UNC13C: variants seen among roughly 807,000 people sequenced by gnomAD.
UNC13C encodes unc-13 homolog C.
Under a neutral mutation model 245.4 loss-of-function variants are expected in UNC13C, and 174 were observed. The ratio of observed to expected loss-of-function variants is 0.71; its 90% CI spans 0.63 to 0.80. UNC13C has a LOEUF of 0.80. Among genes scored for constraint, UNC13C ranks in the 30% least tolerant of loss-of-function variants. The pLI is 0.00. For missense variants in UNC13C, 2,829 were observed against 2,602.9 expected (o/e 1.09, Z -1.89); for synonymous variants, 992 against 895.1 (o/e 1.11, Z -1.93).
intron 24 of UNC13C, 75 bp from the exon 25 acceptor site, chr15:54,525,474 C>A: frequency 3.9e-6 from 4 of 1,035,994 alleles, no homozygotes; most frequent in Non-Finnish European, 5.5e-6. Flanking sequence ...ATATAATAAT[C>A]AAAATGCTTG....
In UNC13C at chr15:54,013,244, A is replaced by T. The variant is rs1595712431; in HGVS notation, c.341A>T (p.Glu114Val). Residue 114 changes from glutamate (E) to valine (V), a missense_variant, in exon 2 of 33, where the codon GAG (glutamate) becomes GTG (valine). Transcript: ENST00000260323. ...KNAKVTNSDN[E>V]DLLQELSSIE... is the part of the protein sequence containing the mutation. ...GCTAAAGTAACCAACAGTGATAATG[A>T]GGATCTGCTTCAAGAGCTCTCTTCA... 8.7e-6 allele frequency: 14 copies of T among 1,613,760 alleles called. No individual in the cohort carries two copies. The highest frequency in any genetic ancestry group is 1.2e-5 in the Non-Finnish European group (14 of 1,179,810).
intron 2 of UNC13C, among the ~76,000 whole-genome samples, chr15:54,034,245 G>C (rs1195365308): frequency 1.3e-5 from 2 of 152,170 alleles, no homozygotes; most frequent in Non-Finnish European, 2.9e-5. Flanking sequence ...GTAAGTGTGT[G>C]TCTACCATTT....
At chr15:54,032,509 G>A (rs1041157620) in intron 2 of UNC13C, among the ~76,000 whole-genome samples, 1 of 152,084 alleles carries the variant, frequency 6.6e-6, no homozygotes, top group African/African-American at 2.4e-5. Context: ...TTAGCACAAG[G>A]TATCCAATTT....
the UNC13C span, among the ~76,000 whole-genome samples, chr15:53,945,411 A>G: frequency 9.4e-4 from 143 of 152,216 alleles, no homozygotes; most frequent in Middle Eastern, 6.8e-3. Context: ...TTTTGAGTTG[A>G]TTTTTATATA....
At chr15:54,152,147 A>C (rs753457056) in intron 4 of UNC13C, among the ~76,000 whole-genome samples, 1 of 152,084 alleles carries the variant, frequency 6.6e-6, no homozygotes, top group African/African-American at 2.4e-5. Flanking sequence ...GCATAGTACT[A>C]CTTCTATCCC....
chr15:54,022,412 A>G (rs1895940572), intron 2 of UNC13C, among the ~76,000 whole-genome samples: 1 of 151,934 alleles, frequency 6.6e-6, no homozygotes, highest in East Asian at 1.9e-4. Context: ...GGATCAAGAG[A>G]TTCTCCTGCC....
intron 10 of UNC13C, among the ~76,000 whole-genome samples, chr15:54,292,918 ATATATAGAGATAGATATCTATATCTATC>A (rs1474688728): frequency 9.4e-5 from 14 of 148,372 alleles, no homozygotes; most frequent in Admixed American, 2.0e-4. Context: ...TATATAGATT[ATATATAGAGATAGATATCTATATCTATC>A]TATATAGATT....
the UNC13C span, among the ~76,000 whole-genome samples, chr15:53,859,756 C>G: frequency 6.6e-6 from 1 of 152,168 alleles, no homozygotes; most frequent in Non-Finnish European, 1.5e-5. Flanking sequence ...CCAGATCCTG[C>G]TTTTATCTCC....
chr15:54,078,672 G>A (rs1247795042), intron 2 of UNC13C, among the ~76,000 whole-genome samples: 1 of 151,992 alleles, frequency 6.6e-6, no homozygotes. Flanking sequence ...TTTTAATGGA[G>A]TTGTTTTTTC....
chr15:54,168,585 G>A (rs1425097586), intron 4 of UNC13C, among the ~76,000 whole-genome samples: 1 of 152,018 alleles, frequency 6.6e-6, no homozygotes, highest in Non-Finnish European at 1.5e-5. Flanking sequence ...AAGGGTTTTT[G>A]GCCACGGTCA....
chr15:54,509,901 G>A (rs142610297), intron 23 of UNC13C, among the ~76,000 whole-genome samples: 2,774 of 152,136 alleles, frequency 0.018, 71 homozygotes, highest in African/African-American at 0.058. Flanking sequence ...GTTTCCCTCC[G>A]GATAACTGCA....
intron 30 of UNC13C, among the ~76,000 whole-genome samples, chr15:54,576,686 A>G (rs1345274830): frequency 6.6e-6 from 1 of 152,148 alleles, no homozygotes; most frequent in East Asian, 1.9e-4. Flanking sequence ...ACATTGCTGC[A>G]TTGCTCTGTC....
the UNC13C span, among the ~76,000 whole-genome samples, chr15:53,869,988 G>A: frequency 6.6e-6 from 1 of 152,134 alleles, no homozygotes; most frequent in Non-Finnish European, 1.5e-5. Context: ...CCATAACACT[G>A]TCCTAAGACT....
At chr15:54,447,485 C>T (rs976136957) in intron 19 of UNC13C, among the ~76,000 whole-genome samples, 3 of 152,096 alleles carry the variant, frequency 2.0e-5, no homozygotes, top group Non-Finnish European at 4.4e-5. Context: ...TCAACTTCTT[C>T]CTGGTTTAGT....
chr15:54,192,753 C>T (rs1991574), intron 4 of UNC13C, among the ~76,000 whole-genome samples: 24,947 of 152,084 alleles, frequency 0.16, 2,582 homozygotes, highest in East Asian at 0.24. Flanking sequence ...CACTACTCGG[C>T]TTCCCACTGG....
intron 13 of UNC13C, among the ~76,000 whole-genome samples, chr15:54,308,404 A>C: frequency 6.6e-6 from 1 of 152,004 alleles, no homozygotes. Context: ...AATTTTATGT[A>C]TTTATTATAT....
the UNC13C span, among the ~76,000 whole-genome samples, chr15:53,887,780 A>G: frequency 1.3e-5 from 2 of 151,554 alleles, no homozygotes; most frequent in East Asian, 3.9e-4. Flanking sequence ...TTCAACTCCC[A>G]CTTATGAGTG....
At chr15:54,121,831 A>C (rs2030688440) in intron 2 of UNC13C, among the ~76,000 whole-genome samples, 1 of 151,744 alleles carries the variant, frequency 6.6e-6, no homozygotes, top group Non-Finnish European at 1.5e-5. Context: ...AATGCTTTAT[A>C]TTTTTCTCTG....
At chr15:54,507,996 C>T (rs973894714) in intron 23 of UNC13C, among the ~76,000 whole-genome samples, 2 of 151,902 alleles carry the variant, frequency 1.3e-5, no homozygotes, top group African/African-American at 4.8e-5. Context: ...TCCCTGAAAC[C>T]TCATTGACCT....
Sources: allele counts gnomAD v4.1 joint callset (sites outside exome capture counted in the v4.1 genomes callset), GRCh38; gene constraint gnomAD v4.1.1; transcripts MANE v1.5; gene names NCBI Gene and HGNC (gene_info 2026-07-23, HGNC 2026-07-21).